The following PPP1R1C variants were observed in gnomAD, a reference collection of about 807,000 sequenced individuals.
PPP1R1C encodes protein phosphatase 1 regulatory inhibitor subunit 1C.
A neutral mutation model predicts 17.4 loss-of-function variants in PPP1R1C; 15 were observed. That is an observed-to-expected ratio of 0.86 (90% CI 0.58 to 1.33). The LOEUF (loss-of-function observed/expected upper bound fraction) is 1.33. PPP1R1C is among the 40% of genes most tolerant of loss of function. The pLI, the probability that PPP1R1C is intolerant of heterozygous loss-of-function variation, is 0.00. For synonymous variants in PPP1R1C, 35 were observed against 43.1 expected, an observed-to-expected ratio of 0.81 and a Z score of 0.73; for missense variants, 143 against 130.0, an observed-to-expected ratio of 1.10 and a Z score of -0.48.
intron 2 of PPP1R1C, among the ~76,000 whole-genome samples, chr2:182,025,446 A>G (rs1686574695): frequency 7.3e-6 from 1 of 137,552 alleles, no homozygotes; most frequent in South Asian, 2.5e-4. Context: ...CCTATGAGTG[A>G]GAATATGCGG....
At chr2:181,970,866 C>T (rs957389401) in intron 1 of PPP1R1C, among the ~76,000 whole-genome samples, 6 of 152,252 alleles carry the variant, frequency 3.9e-5, no homozygotes, top group African/African-American at 1.4e-4. Flanking sequence ...CCCCAGTTCA[C>T]GGAGAGTACT....
chr2:181,968,554 C>T (rs1375133770), intron 1 of PPP1R1C, among the ~76,000 whole-genome samples: 2 of 152,046 alleles, frequency 1.3e-5, no homozygotes, highest in Non-Finnish European at 2.9e-5. Flanking sequence ...ATGTCTTTTC[C>T]CATCCCTTTA....
intron 4 of PPP1R1C, among the ~76,000 whole-genome samples, chr2:182,076,929 C>A (rs1688330619): frequency 6.6e-6 from 1 of 152,126 alleles, no homozygotes. Flanking sequence ...TCTTACTCAT[C>A]CTAAACTTTG....
intron 2 of PPP1R1C, among the ~76,000 whole-genome samples, chr2:182,038,802 G>T (rs1687093603): frequency 6.6e-6 from 1 of 152,222 alleles, no homozygotes; most frequent in Non-Finnish European, 1.5e-5. Flanking sequence ...GTAGTGCTCA[G>T]TTCTAAGGAT....
chr2:182,080,016 G>C lies in PPP1R1C; in HGVS notation c.241+16225G>C, dbSNP rs557089512. Among the ~76,000 whole-genome samples, 6 of 152,312 alleles carry C rather than the reference G, an allele frequency of 3.9e-5. No individual in the cohort carries two copies. In the East Asian group the frequency reaches 1.2e-3, roughly 29 times the overall value. On this transcript the variant is annotated intron_variant, in intron 4 of 4. Transcript: ENST00000682840. The stretch of plus-strand genomic sequence containing the variant: ...TTATTTTCAAATAAGGTCACATTCT[G>C]ATGTTCCAAGTGGACATGAATTTTT...
chr2:182,035,655 C>G (rs145117132), intron 2 of PPP1R1C, among the ~76,000 whole-genome samples: 2,682 of 152,124 alleles, frequency 0.018, 67 homozygotes, highest in African/African-American at 0.061. Flanking sequence ...TAGCACCTCC[C>G]CCTTCGCTCT....
upstream of PPP1R1C, among the ~76,000 whole-genome samples, chr2:181,984,410 T>C (rs1004744450): frequency 1.3e-5 from 2 of 152,244 alleles, no homozygotes; most frequent in African/African-American, 4.8e-5. Context: ...TTTGAAGATA[T>C]ATTCAAAGAA....
chr2:181,979,168 A>G (rs1466179113), intron 2 of PPP1R1C, among the ~76,000 whole-genome samples: 1 of 152,192 alleles, frequency 6.6e-6, no homozygotes, highest in Non-Finnish European at 1.5e-5. Flanking sequence ...CTTGGACTAA[A>G]CCAAGTCTAG....
chr2:182,041,468 T>C (rs1387504098), intron 2 of PPP1R1C, among the ~76,000 whole-genome samples: 1 of 151,618 alleles, frequency 6.6e-6, no homozygotes, highest in Non-Finnish European at 1.5e-5. Context: ...AATTAGCCAG[T>C]TGTGGCGGCA....
chr2:182,121,144 C>A (rs1382503678), downstream of PPP1R1C, among the ~76,000 whole-genome samples: 1 of 152,146 alleles, frequency 6.6e-6, no homozygotes, highest in Non-Finnish European at 1.5e-5. Context: ...AAAACAGAAA[C>A]TATATTTCCC....
rs145455125 is a variant in PPP1R1C, at chr2:182,089,130, C to G, written c.241+25339C>G. Among the ~76,000 whole-genome samples, 121 of 152,274 alleles carry G rather than the reference C, an allele frequency of 7.9e-4. 1 individual carries two copies. The highest frequency in any genetic ancestry group is 2.8e-3 in the African/African-American group (116 of 41,552). On this transcript the variant is annotated intron_variant, in intron 4 of 4. Coordinates refer to ENST00000682840, the MANE Select transcript of PPP1R1C (RefSeq NM_001080545.3). Reference sequence around the variant, plus strand: ...CTGTGATTACAGTGGAAATCCAGCTCTGTTCAAGAATTTTTTTCAAAGGCA... The same window carrying G: ...CTGTGATTACAGTGGAAATCCAGCTGTGTTCAAGAATTTTTTTCAAAGGCA...
At chr2:182,103,513 AC>A in intron 4 of PPP1R1C, 2 of 152,344 alleles carry the variant, frequency 1.3e-5, no homozygotes, top group Middle Eastern at 6.8e-3. Context: ...ACTAAAACAG[AC>A]CAACTGTAGG....
At chr2:182,127,865 C>T (rs1446110415) in intron 5 of PPP1R1C, among the ~76,000 whole-genome samples, 7 of 151,874 alleles carry the variant, frequency 4.6e-5, no homozygotes. Flanking sequence ...TTCCTTAAGG[C>T]ATTTAAATGA....
At chr2:182,127,090 T>C (rs16822654) in intron 5 of PPP1R1C, among the ~76,000 whole-genome samples, 2,058 of 152,172 alleles carry the variant, frequency 0.014, 18 homozygotes, top group East Asian at 0.047. Flanking sequence ...AGTAACAGAA[T>C]ATTAGAGTAT....
intron 2 of PPP1R1C, among the ~76,000 whole-genome samples, chr2:181,977,708 T>C (rs1685119780): frequency 6.6e-6 from 1 of 152,166 alleles, no homozygotes; most frequent in African/African-American, 2.4e-5. Flanking sequence ...TTTATGTCCA[T>C]AGTTTCTGTA....
chr2:181,963,831 G>A (rs1684853463), intron 1 of PPP1R1C, among the ~76,000 whole-genome samples: 1 of 151,112 alleles, frequency 6.6e-6, no homozygotes, highest in African/African-American at 2.4e-5. Flanking sequence ...AATTTCATGA[G>A]TACACAGTAG....
intron 4 of PPP1R1C, among the ~76,000 whole-genome samples, chr2:182,107,273 T>G (rs1018592818): frequency 6.6e-6 from 1 of 152,138 alleles, no homozygotes; most frequent in African/African-American, 2.4e-5. Context: ...ACGTCAGAAT[T>G]TGCATGATTC....
At chr2:182,054,652 A>AGTGT (rs112893216) in intron 2 of PPP1R1C, among the ~76,000 whole-genome samples, 6,348 of 149,960 alleles carry the variant, frequency 0.042, 411 homozygotes, top group Admixed American at 0.18. Context: ...TGTGTGTGTA[A>AGTGT]GTGTGTGTGT....
chr2:182,070,412 T>G (rs917089183), intron 4 of PPP1R1C, among the ~76,000 whole-genome samples: 1 of 152,260 alleles, frequency 6.6e-6, no homozygotes, highest in South Asian at 2.1e-4. Context: ...CCAAAGCATT[T>G]GAAGCCCTTG....
Sources: allele counts gnomAD v4.1 joint callset (sites outside exome capture counted in the v4.1 genomes callset), GRCh38; gene constraint gnomAD v4.1.1; transcripts MANE v1.5; gene names NCBI Gene and HGNC (gene_info 2026-07-23, HGNC 2026-07-21).